The following KIAA1328 variants were observed in gnomAD, a reference collection of about 807,000 sequenced individuals.
KIAA1328 encodes the protein protein hinderin.
Under a neutral mutation model 68.1 loss-of-function variants are expected in KIAA1328, and 52 were observed. The ratio of observed to expected loss-of-function variants is 0.76; its 90% CI spans 0.61 to 0.96. The LOEUF is 0.96. Among genes scored for constraint, KIAA1328 ranks in the 40% least tolerant of loss-of-function variants. The pLI, the probability that KIAA1328 is intolerant of heterozygous loss-of-function variation, is 0.00. For synonymous variants in KIAA1328, 232 were observed against 239.4 expected (o/e 0.97, Z 0.28); for missense variants, 641 against 677.6 (o/e 0.95, Z 0.60).
chr18:36,950,835 G>T (rs1398378666), intron 5 of KIAA1328, among the ~76,000 whole-genome samples: 5 of 152,144 alleles, frequency 3.3e-5, no homozygotes, highest in African/African-American at 4.8e-5. Context: ...ATTCTTACCC[G>T]AGGATGATCC....
chr18:37,136,251 T>C (rs2058641787), intron 7 of KIAA1328, among the ~76,000 whole-genome samples: 1 of 152,200 alleles, frequency 6.6e-6, no homozygotes, highest in Non-Finnish European at 1.5e-5. Context: ...CCACAATCTT[T>C]AACTAACCAA....
At chr18:37,225,880 T>G (rs1311650866), downstream of KIAA1328, among the ~76,000 whole-genome samples, 1 of 152,102 alleles carries the variant, frequency 6.6e-6, no homozygotes, top group African/African-American at 2.4e-5. Flanking sequence ...GAGGCACAGG[T>G]AGCAGGAACA....
At chr18:37,165,465 A>T (rs72894364) in intron 8 of KIAA1328, among the ~76,000 whole-genome samples, 16,082 of 151,396 alleles carry the variant, frequency 0.11, 1,086 homozygotes, top group Non-Finnish European at 0.13. Context: ...TGTTGCCCAG[A>T]CTGGAGTGCA....
At chr18:37,133,293 T>C (rs1396059968) in intron 7 of KIAA1328, among the ~76,000 whole-genome samples, 1 of 151,082 alleles carries the variant, frequency 6.6e-6, no homozygotes, top group Non-Finnish European at 1.5e-5. Context: ...GGTCACGCCA[T>C]TGTACTCCAG....
chr18:37,204,938 C>T (rs1599590539), intron 9 of KIAA1328, among the ~76,000 whole-genome samples: 1 of 150,632 alleles, frequency 6.6e-6, no homozygotes, highest in East Asian at 1.9e-4. Context: ...CCAGGACAAA[C>T]AACCACTATT....
At chr18:37,219,158 A>C (rs1355106886) in intron 9 of KIAA1328, among the ~76,000 whole-genome samples, 1 of 152,196 alleles carries the variant, frequency 6.6e-6, no homozygotes, top group African/African-American at 2.4e-5. Context: ...GCAGAACCGC[A>C]AATATTGCAG....
chr18:36,995,162 G>A (rs777208913), intron 6 of KIAA1328, among the ~76,000 whole-genome samples: 22 of 152,042 alleles, frequency 1.4e-4, no homozygotes, highest in African/African-American at 4.6e-4. Flanking sequence ...CTGTGTCCAC[G>A]TGTTCACATT....
intron 6 of KIAA1328, among the ~76,000 whole-genome samples, chr18:37,007,125 G>A (rs1268940856): frequency 6.6e-6 from 1 of 152,022 alleles, no homozygotes; most frequent in Non-Finnish European, 1.5e-5. Context: ...CTTCCATCTG[G>A]CATGCCATTG....
At chr18:36,912,410 ACT>A (rs911689285) in intron 5 of KIAA1328, among the ~76,000 whole-genome samples, 2 of 151,276 alleles carry the variant, frequency 1.3e-5, no homozygotes, top group Admixed American at 6.6e-5. Context: ...TCCTTTTCTG[ACT>A]CTCTTTTTCT....
intron 7 of KIAA1328, among the ~76,000 whole-genome samples, chr18:37,151,864 C>T (rs778708826): frequency 7.2e-5 from 11 of 151,918 alleles, no homozygotes; most frequent in East Asian, 1.9e-4. Context: ...AACTTTTGCA[C>T]GGTGAGGAGG....
At chr18:37,136,427 A>G (rs1157152132) in intron 7 of KIAA1328, among the ~76,000 whole-genome samples, 3 of 152,244 alleles carry the variant, frequency 2.0e-5, no homozygotes, top group African/African-American at 4.8e-5. Flanking sequence ...TTGAAGCTTC[A>G]TAAGTACATG....
intron 6 of KIAA1328, among the ~76,000 whole-genome samples, chr18:37,062,541 C>T (rs1408407692): frequency 2.6e-5 from 4 of 151,608 alleles, no homozygotes; most frequent in South Asian, 2.1e-4. Flanking sequence ...CTGCAAGCTC[C>T]GCCTCCTGGG....
At chr18:37,146,301 C>A (rs1442014489) in intron 7 of KIAA1328, among the ~76,000 whole-genome samples, 2 of 152,060 alleles carry the variant, frequency 1.3e-5, no homozygotes, top group Non-Finnish European at 2.9e-5. Context: ...TCCATGTGTT[C>A]TCATCATTTA....
chr18:36,867,782 G>A (rs146495369), intron 4 of KIAA1328, among the ~76,000 whole-genome samples: 57 of 152,272 alleles, frequency 3.7e-4, no homozygotes, highest in African/African-American at 1.4e-3. Flanking sequence ...TTTAGAATTG[G>A]TATACTAGAC....
intron 9 of KIAA1328, among the ~76,000 whole-genome samples, chr18:37,200,928 T>G (rs1206369445): frequency 6.6e-5 from 10 of 152,154 alleles, no homozygotes; most frequent in Admixed American, 6.6e-4. Flanking sequence ...AAATCTTTCT[T>G]CTTGAAAGCA....
At chr18:36,941,607 T>A (rs1226501456) in intron 5 of KIAA1328, among the ~76,000 whole-genome samples, 1 of 151,868 alleles carries the variant, frequency 6.6e-6, no homozygotes, top group Admixed American at 6.6e-5. Flanking sequence ...TCAAAATAAA[T>A]AAACATGTAT....
At chr18:37,185,720 T>C (rs529119081) in intron 9 of KIAA1328, among the ~76,000 whole-genome samples, 1,574 of 149,586 alleles carry the variant, frequency 0.011, 23 homozygotes, top group Non-Finnish European at 0.011. Flanking sequence ...TACTGATATA[T>C]ACACACACAC....
chr18:36,864,276 T>A (rs555996236), intron 4 of KIAA1328, among the ~76,000 whole-genome samples: 76 of 152,182 alleles, frequency 5.0e-4, no homozygotes, highest in African/African-American at 1.8e-3. Context: ...CAGCCTTGCG[T>A]ACCTGTAGTG....
intron 5 of KIAA1328, among the ~76,000 whole-genome samples, chr18:36,920,855 C>T (rs1254978726): frequency 6.6e-6 from 1 of 152,100 alleles, no homozygotes; most frequent in Non-Finnish European, 1.5e-5. Context: ...CTTTGCAGAC[C>T]CTCAGAGCTC....
Sources: allele counts gnomAD v4.1 joint callset (sites outside exome capture counted in the v4.1 genomes callset), GRCh38; gene constraint gnomAD v4.1.1; transcripts MANE v1.5; gene names NCBI Gene and HGNC (gene_info 2026-07-23, HGNC 2026-07-21).